OSBP2: variants seen among roughly 807,000 people sequenced by gnomAD.
OSBP2 encodes oxysterol-binding protein 2.
In OSBP2, 66 loss-of-function variants were observed where a neutral mutation model predicts 96.0. That is an observed-to-expected ratio of 0.69 (90% CI 0.56 to 0.84). OSBP2 has a LOEUF of 0.84. Ranked by LOEUF, OSBP2 falls within the 40% of genes least tolerant of loss-of-function variation. The probability of loss-of-function intolerance (pLI) is 0.00; values close to 1 mark genes in which losing one functional copy is unlikely to be tolerated. For synonymous variants in OSBP2, 525 were observed against 520.9 expected (o/e 1.01, Z -0.11); for missense variants, 1,038 against 1,222.7 (o/e 0.85, Z 2.25).
intron 12 of OSBP2, chr22:30,902,165 C>T (rs183349129): frequency 3.3e-5 from 20 of 597,444 alleles, no homozygotes; most frequent in East Asian, 3.3e-4. Flanking sequence ...GAGGGTCCCA[C>T]GGCAGTACTG....
At chr22:30,783,749 C>T (rs1437577602) in intron 2 of OSBP2, among the ~76,000 whole-genome samples, 1 of 152,162 alleles carries the variant, frequency 6.6e-6, no homozygotes, top group Non-Finnish European at 1.5e-5. Context: ...CAACTTACGG[C>T]GATTTCTTAG....
intron 3 of OSBP2, among the ~76,000 whole-genome samples, chr22:30,887,031 A>G (rs907675648): frequency 6.6e-6 from 1 of 152,132 alleles, no homozygotes; most frequent in African/African-American, 2.4e-5. Context: ...TTTCTTGCTG[A>G]TATGCTAAAC....
At chr22:30,723,149 T>A (rs977587175) in intron 1 of OSBP2, among the ~76,000 whole-genome samples, 1 of 151,602 alleles carries the variant, frequency 6.6e-6, no homozygotes, top group African/African-American at 2.4e-5. Flanking sequence ...TTATTTATTT[T>A]TTGCTGGAGT....
intron 1 of OSBP2, among the ~76,000 whole-genome samples, chr22:30,713,024 C>T (rs1003295577): frequency 1.7e-4 from 26 of 152,048 alleles, no homozygotes; most frequent in African/African-American, 5.6e-4. Context: ...AATCCTTCTC[C>T]ACCTCAGCCT....
At chr22:30,895,636 C>T (rs546569465) in intron 12 of OSBP2, among the ~76,000 whole-genome samples, 1 of 152,230 alleles carries the variant, frequency 6.6e-6, no homozygotes, top group South Asian at 2.1e-4. Context: ...CACACAAAAA[C>T]CCACAATGAA....
intron 2 of OSBP2, among the ~76,000 whole-genome samples, chr22:30,840,323 G>GAAAAAAAAAAAGAAAAAA (rs1569145491): frequency 1.3e-5 from 2 of 148,746 alleles, no homozygotes; most frequent in African/African-American, 4.9e-5. Context: ...AAAAGAAAAA[G>GAAAAAAAAAAAGAAAAAA]GAAAAAAAAA....
upstream of OSBP2, among the ~76,000 whole-genome samples, chr22:30,694,654 CT>C (rs71827041): frequency 1 from 151,610 of 151,620 alleles, 75,800 homozygotes; most frequent in Middle Eastern, 1. Context: ...CCACCAAGCT[CT>C]TCCGCCCACA....
chr22:30,887,808 C>A (rs1222994054), intron 4 of OSBP2, among the ~76,000 whole-genome samples, 190 bp downstream of exon 4: 1 of 152,234 alleles, frequency 6.6e-6, no homozygotes, highest in African/African-American at 2.4e-5. Context: ...AGTTTGTCTG[C>A]ACCTAGGTTC....
upstream of OSBP2, chr22:30,693,847 T>A (rs993810423): frequency 2.0e-6 from 1 of 511,772 alleles, no homozygotes. Flanking sequence ...GCCGTGGAAT[T>A]CCAGCTACTA....
chr22:30,728,370 G>A (rs1276705435), intron 1 of OSBP2, among the ~76,000 whole-genome samples: 4 of 148,586 alleles, frequency 2.7e-5, no homozygotes, highest in Non-Finnish European at 4.5e-5. Flanking sequence ...ACTCCAGCCT[G>A]GGCAACAGAG....
At chr22:30,821,266 T>C (rs2038266111) in intron 2 of OSBP2, among the ~76,000 whole-genome samples, 1 of 152,106 alleles carries the variant, frequency 6.6e-6, no homozygotes, top group Non-Finnish European at 1.5e-5. Context: ...GTGTACAGGA[T>C]CTCTCAGCTG....
intron 1 of OSBP2, among the ~76,000 whole-genome samples, chr22:30,734,983 G>T (rs949232535): frequency 6.6e-6 from 1 of 152,172 alleles, no homozygotes; most frequent in Non-Finnish European, 1.5e-5. Context: ...TTGAGCTCAG[G>T]AGTTCAAGAC....
rs1371910502 is a variant in OSBP2 at position 30,881,278 on chromosome 22, G to A, written c.1108-6148G>A. ...TCCCCACGCTGAGGACAATCAACCT[G>A]ACAGGTCACAGAATCAGGGACTCTG... On this transcript the variant is annotated intron_variant, in intron 3 of 13. Transcript: ENST00000332585. The surrounding 1 kb of genome is among the most constrained non-coding windows in gnomAD (Gnocchi z 4.5). Among the ~76,000 whole-genome samples the A allele has an allele frequency of 1.3e-5, 2 of 152,160 alleles. No individual in the cohort carries two copies. Among genetic ancestry groups the A allele is most frequent in the Non-Finnish European group, 2.9e-5 (2 of 68,024 alleles).
At chr22:30,735,848 G>A (rs778072696) in intron 1 of OSBP2, among the ~76,000 whole-genome samples, 4 of 151,832 alleles carry the variant, frequency 2.6e-5, no homozygotes, top group South Asian at 2.1e-4. Context: ...TCAGCCTCCC[G>A]AGTAGCTGGG....
intron 1 of OSBP2, among the ~76,000 whole-genome samples, chr22:30,709,886 T>G (rs894562378): frequency 7.0e-6 from 1 of 143,142 alleles, no homozygotes; most frequent in Non-Finnish European, 1.5e-5. Context: ...GCAGGGATAC[T>G]TTTTTTTTTT....
intron 2 of OSBP2, among the ~76,000 whole-genome samples, chr22:30,841,116 G>A (rs560977807): frequency 6.6e-6 from 1 of 152,230 alleles, no homozygotes; most frequent in African/African-American, 2.4e-5. Context: ...AGTGAGCTGA[G>A]ATTGCATCAC....
intron 2 of OSBP2, among the ~76,000 whole-genome samples, chr22:30,751,561 GC>G (rs2090074203): frequency 6.6e-6 from 1 of 151,946 alleles, no homozygotes; most frequent in African/African-American, 2.4e-5. Context: ...TGCCATGTTT[GC>G]CAGGCTGGTC....
At chr22:30,841,716 G>A (rs2038756698) in intron 2 of OSBP2, among the ~76,000 whole-genome samples, 1 of 152,090 alleles carries the variant, frequency 6.6e-6, no homozygotes, top group South Asian at 2.1e-4. Context: ...ATATTTTATT[G>A]TAGACCTGGC....
chr22:30,694,709 C>G (rs1451474293), upstream of OSBP2: 1 of 277,662 alleles, frequency 3.6e-6, no homozygotes, highest in African/African-American at 2.3e-5. Context: ...TAGGAAGGAC[C>G]CAGGGTCCAA....
Sources: allele counts gnomAD v4.1 joint callset (sites outside exome capture counted in the v4.1 genomes callset), GRCh38; gene constraint gnomAD v4.1.1; non-coding constraint Gnocchi (gnomAD v3.1); transcripts MANE v1.5; gene names NCBI Gene and HGNC (gene_info 2026-07-23, HGNC 2026-07-21).